ZNF385D: variants seen among roughly 807,000 people sequenced by gnomAD.
ZNF385D encodes the protein zinc finger protein 385D.
A neutral mutation model predicts 35.8 loss-of-function variants in ZNF385D; 15 were observed. That is an observed-to-expected ratio of 0.42 (90% CI 0.28 to 0.64). ZNF385D has a LOEUF of 0.64. Ranked by LOEUF, ZNF385D falls within the 30% of genes least tolerant of loss-of-function variation. The pLI, the probability that ZNF385D is intolerant of heterozygous loss-of-function variation, is 0.23. For missense variants in ZNF385D, 474 were observed against 494.6 expected (o/e 0.96, Z 0.39); for synonymous variants, 212 against 186.8 (o/e 1.13, Z -1.10).
chr3:22,001,090 C>T (rs1695816034), intron 3 of ZNF385D, among the ~76,000 whole-genome samples: 1 of 151,974 alleles, frequency 6.6e-6, no homozygotes, highest in Non-Finnish European at 1.5e-5. Context: ...GAACAAAAGA[C>T]ATACAAAATA....
At chr3:21,963,853 C>T (rs144795553) in intron 3 of ZNF385D, among the ~76,000 whole-genome samples, 1 of 151,958 alleles carries the variant, frequency 6.6e-6, no homozygotes, top group Non-Finnish European at 1.5e-5. Context: ...GGTGATGACA[C>T]TGATCAAAAT....
At chr3:22,230,763 G>A (rs1698839902) in intron 2 of ZNF385D, among the ~76,000 whole-genome samples, 2 of 152,162 alleles carry the variant, frequency 1.3e-5, no homozygotes, top group African/African-American at 4.8e-5. Flanking sequence ...GTTTATAGAG[G>A]AGTTTGTTAA....
chr3:22,332,467 GC>G (rs1315244849), intron 2 of ZNF385D, among the ~76,000 whole-genome samples: 1 of 152,086 alleles, frequency 6.6e-6, no homozygotes, highest in African/African-American at 2.4e-5. Flanking sequence ...AAGGAAGAAG[GC>G]ATGGTGGTTA....
At chr3:21,782,432 A>T (rs921991278) in intron 3 of ZNF385D, among the ~76,000 whole-genome samples, 1 of 152,134 alleles carries the variant, frequency 6.6e-6, no homozygotes, top group Admixed American at 6.6e-5. Context: ...TGTTCGTTTA[A>T]GGTCACCAGT....
At chr3:22,099,963 A>G (rs1701841663) in intron 3 of ZNF385D, among the ~76,000 whole-genome samples, 1 of 152,272 alleles carries the variant, frequency 6.6e-6, no homozygotes, top group African/African-American at 2.4e-5. Context: ...TAAAAAATAA[A>G]ATGAACTCAA....
intron 4 of ZNF385D, among the ~76,000 whole-genome samples, chr3:21,495,128 G>C (rs1450000929): frequency 6.6e-6 from 1 of 151,742 alleles, no homozygotes; most frequent in Non-Finnish European, 1.5e-5. Flanking sequence ...GTAGATTTAA[G>C]AATGAATATG....
chr3:22,040,254 T>A (rs955051336), intron 3 of ZNF385D, among the ~76,000 whole-genome samples: 1 of 152,210 alleles, frequency 6.6e-6, no homozygotes, highest in African/African-American at 2.4e-5. Flanking sequence ...GAGTACATCA[T>A]CTGTTGTCTG....
At chr3:21,439,073 C>T (rs1265018527) in intron 4 of ZNF385D, among the ~76,000 whole-genome samples, 5 of 151,944 alleles carry the variant, frequency 3.3e-5, no homozygotes, top group African/African-American at 4.8e-5. Context: ...CAACAAGTAG[C>T]TAATTTGCGA....
intron 3 of ZNF385D, among the ~76,000 whole-genome samples, chr3:21,544,873 T>G (rs1236870986): frequency 3.3e-5 from 5 of 152,196 alleles, no homozygotes; most frequent in Non-Finnish European, 7.3e-5. Flanking sequence ...TTGTCTTCCC[T>G]GGCACCTGGC....
intron 3 of ZNF385D, among the ~76,000 whole-genome samples, chr3:21,923,793 G>A (rs573327574): frequency 7.6e-4 from 116 of 152,248 alleles, no homozygotes; most frequent in Middle Eastern, 3.4e-3. Context: ...ACCTATAAGT[G>A]GAAGCATTGG....
chr3:21,967,722 T>A (rs551431673), intron 3 of ZNF385D, among the ~76,000 whole-genome samples: 1 of 152,238 alleles, frequency 6.6e-6, no homozygotes, highest in South Asian at 2.1e-4. Flanking sequence ...ACAATTAGAG[T>A]TCTGAACTGC....
intron 2 of ZNF385D, among the ~76,000 whole-genome samples, chr3:22,243,396 TTTGAAGGGGAAACAGTGAG>T (rs1699599686): frequency 6.6e-6 from 1 of 150,936 alleles, no homozygotes; most frequent in Admixed American, 6.6e-5. Context: ...AGCTGAATAC[TTTGAAGGGGAAACAGTGAG>T]TTGACAAGAA....
At chr3:22,138,737 C>T (rs1704313757) in intron 3 of ZNF385D, among the ~76,000 whole-genome samples, 1 of 152,054 alleles carries the variant, frequency 6.6e-6, no homozygotes, top group Admixed American at 6.6e-5. Flanking sequence ...TAGGCAATAC[C>T]ATTCAGGACA....
intron 4 of ZNF385D, among the ~76,000 whole-genome samples, chr3:21,475,943 A>G (rs1006063801): frequency 6.6e-6 from 1 of 150,520 alleles, no homozygotes; most frequent in African/African-American, 2.4e-5. Context: ...GCTTTTGTGT[A>G]TCTCTATGTA....
intron 3 of ZNF385D, among the ~76,000 whole-genome samples, chr3:21,978,834 A>G (rs1219612395): frequency 6.6e-6 from 1 of 152,220 alleles, no homozygotes; most frequent in African/African-American, 2.4e-5. Flanking sequence ...TGTTTCCTGC[A>G]TTAGTGACCT....
chr3:21,941,591 G>A (rs756712371), intron 3 of ZNF385D, among the ~76,000 whole-genome samples: 2 of 143,606 alleles, frequency 1.4e-5, no homozygotes, highest in African/African-American at 2.6e-5. Context: ...TCCGCCTCCC[G>A]GGTTCACGCC....
Position 21,959,296 on chromosome 3 carries a change from G to A in ZNF385D, c.325+209521C>T, listed in dbSNP as rs148229690. On this transcript the variant is annotated intron_variant, in intron 3 of 5. Transcript: ENST00000494108. ...TCAAATAATAAGGCAAAATGCACTG[G>A]CAAATAAAAACAAATGAAGATGCTG... 1.3e-3 allele frequency among the ~76,000 whole-genome samples: 203 copies of A among 152,102 alleles called. 1 individual carries two copies. The highest frequency in any genetic ancestry group is 1.7e-3 in the Non-Finnish European group (114 of 67,970).
At chr3:21,884,910 C>CT (rs11384250) in intron 3 of ZNF385D, among the ~76,000 whole-genome samples, 86,075 of 151,544 alleles carry the variant, frequency 0.57, 24,599 homozygotes, top group South Asian at 0.71. Context: ...TTTATCTGCA[C>CT]TTTTTTTTGT....
At chr3:22,128,028 G>C (rs1703541887) in intron 3 of ZNF385D, among the ~76,000 whole-genome samples, 1 of 152,070 alleles carries the variant, frequency 6.6e-6, no homozygotes, top group African/African-American at 2.4e-5. Context: ...TTTTCTTTTA[G>C]ATTGAAAAAC....
Sources: allele counts gnomAD v4.1 joint callset (sites outside exome capture counted in the v4.1 genomes callset), GRCh38; gene constraint gnomAD v4.1.1; transcripts MANE v1.5; gene names NCBI Gene and HGNC (gene_info 2026-07-23, HGNC 2026-07-21).